SMIM35: variants seen among roughly 807,000 people sequenced by gnomAD.
The protein encoded by SMIM35 is TMPRSS4 antisense RNA 1 (non-protein coding).
intron 1 of SMIM35, among the ~76,000 whole-genome samples, chr11:118,030,698 G>A (rs564552818): frequency 6.6e-6 from 1 of 152,078 alleles, no homozygotes; most frequent in South Asian, 2.1e-4. Context: ...GGGAGTCAGG[G>A]CTGAGCAGGA....
At chr11:118,030,002 A>G in intron 1 of SMIM35, 1 of 344,112 alleles carries the variant, frequency 2.9e-6, no homozygotes, top group South Asian at 2.2e-5. Context: ...CCATGCAGAA[A>G]TATGAAAATA....
At chr11:118,057,512 G>A (rs1396517299) in intron 1 of SMIM35, among the ~76,000 whole-genome samples, 2 of 152,150 alleles carry the variant, frequency 1.3e-5, no homozygotes, top group Non-Finnish European at 2.9e-5. Flanking sequence ...ACTCCGCTGG[G>A]CGCTGGAGGC....
chr11:118,028,948 G>T, intron 1 of SMIM35: 1 of 393,614 alleles, frequency 2.5e-6, no homozygotes, highest in South Asian at 1.9e-5. Flanking sequence ...AGGAGGAGGA[G>T]GAGAAATTCG....
chr11:118,048,258 C>T (rs1231685763), intron 1 of SMIM35, among the ~76,000 whole-genome samples: 1 of 152,184 alleles, frequency 6.6e-6, no homozygotes, highest in Non-Finnish European at 1.5e-5. Flanking sequence ...CACGGTGGCT[C>T]ACAGTTGTAA....
At position 118,004,561 on chromosome 11, in the gene SMIM35, G is replaced by A. The variant is rs1270194609; in HGVS notation, c.*1849C>T. 6.6e-6 allele frequency: 1 copy of A among 152,300 alleles called. No homozygotes were observed. Among genetic ancestry groups the A allele is most frequent in the Non-Finnish European group, 1.5e-5 (1 of 68,094 alleles). The allele number at this position is 152,300 out of a possible 1,614,324, so 9.4% of individuals were successfully genotyped here. On this transcript the variant is annotated 3_prime_UTR_variant, in exon 5 of 5. Coordinates refer to ENST00000689828, the MANE Select transcript of SMIM35 (RefSeq NM_001394165.1). ...TCCAAGAAAAGGTCTTTCAGCAATT[G>A]GCAAGGCTGGCCTGGATCTGTGAGG...
At chr11:118,064,888 A>G (rs999735480) in intron 1 of SMIM35, among the ~76,000 whole-genome samples, 3 of 151,982 alleles carry the variant, frequency 2.0e-5, no homozygotes, top group Non-Finnish European at 2.9e-5. Flanking sequence ...CAAGCGATAT[A>G]CCCGCCTGGC....
At chr11:118,010,317 A>G (rs1393260532) in intron 4 of SMIM35, among the ~76,000 whole-genome samples, 1 of 152,164 alleles carries the variant, frequency 6.6e-6, no homozygotes, top group East Asian at 1.9e-4. Context: ...CTCCAATGCC[A>G]CTGGCATGGG....
intron 1 of SMIM35, chr11:118,029,545 G>A: frequency 2.4e-6 from 1 of 423,964 alleles, no homozygotes; most frequent in South Asian, 1.7e-5. Context: ...GCAATAGAGA[G>A]AGGCTACAAG....
At chr11:118,065,188 T>G (rs1383273332) in intron 1 of SMIM35, among the ~76,000 whole-genome samples, 2 of 152,232 alleles carry the variant, frequency 1.3e-5, no homozygotes, top group African/African-American at 4.8e-5. Flanking sequence ...GCTTCTCCAC[T>G]GCATTTCACT....
At chr11:118,027,346 T>C (rs1375459658) in intron 1 of SMIM35, among the ~76,000 whole-genome samples, 2 of 151,476 alleles carry the variant, frequency 1.3e-5, no homozygotes, top group Non-Finnish European at 2.9e-5. Flanking sequence ...TTTTGCGTGG[T>C]AGATTTTAGT....
At chr11:118,075,127 G>T (rs924393031) in intron 1 of SMIM35, among the ~76,000 whole-genome samples, 1 of 152,204 alleles carries the variant, frequency 6.6e-6, no homozygotes, top group Non-Finnish European at 1.5e-5. Flanking sequence ...AACTGAAAAC[G>T]TGGCTCCCAG....
chr11:118,027,415 C>T (rs1463253743), intron 1 of SMIM35, among the ~76,000 whole-genome samples: 2 of 152,114 alleles, frequency 1.3e-5, no homozygotes, highest in Non-Finnish European at 2.9e-5. Context: ...GTAATTAGAG[C>T]TCCTAATAGT....
intron 1 of SMIM35, among the ~76,000 whole-genome samples, chr11:118,068,696 G>A (rs1944523985): frequency 6.6e-6 from 1 of 152,204 alleles, no homozygotes; most frequent in South Asian, 2.1e-4. Context: ...GAACCTCACA[G>A]CGCTGTTTCC....
chr11:118,025,607 T>C (rs979171139), intron 1 of SMIM35: 11 of 452,266 alleles, frequency 2.4e-5, no homozygotes, highest in Non-Finnish European at 4.0e-5. Flanking sequence ...GAAGTGTCTG[T>C]TCATGTCCTT....
intron 1 of SMIM35, chr11:118,029,849 A>G (rs985092998): frequency 6.6e-6 from 3 of 454,904 alleles, no homozygotes; most frequent in Non-Finnish European, 1.3e-5. Context: ...TAATGCTAGC[A>G]TCTGCCTCCT....
At chr11:118,018,761 T>C (rs1006331931) in intron 1 of SMIM35, among the ~76,000 whole-genome samples, 2 of 152,356 alleles carry the variant, frequency 1.3e-5, no homozygotes, top group African/African-American at 4.8e-5. Flanking sequence ...TTCTACACAG[T>C]GCCTTCTGAC....
chr11:118,065,483 G>T (rs7114711), intron 1 of SMIM35, among the ~76,000 whole-genome samples: 15 of 152,260 alleles, frequency 9.9e-5, no homozygotes, highest in South Asian at 8.3e-4. Flanking sequence ...CACACCTTCC[G>T]TCGCTGGCCA....
chr11:118,085,064 C>T (rs963678587), intron 1 of SMIM35, among the ~76,000 whole-genome samples: 13 of 152,160 alleles, frequency 8.5e-5, no homozygotes, highest in Admixed American at 2.0e-4. Context: ...AAAATGTGCA[C>T]GGTGCTGAGC....
At chr11:118,020,550 T>C (rs2058219853) in intron 1 of SMIM35, among the ~76,000 whole-genome samples, 1 of 152,248 alleles carries the variant, frequency 6.6e-6, no homozygotes, top group Admixed American at 6.5e-5. Flanking sequence ...GGTCATCTTT[T>C]ATAGACTGTC....
Sources: gnomAD v4.1 joint callset for allele counts (sites outside exome capture counted in the v4.1 genomes callset) on GRCh38, gnomAD v4.1.1 for gene constraint, MANE v1.5 for transcripts, NCBI Gene and HGNC (gene_info 2026-07-23, HGNC 2026-07-21) for gene names.